Variants in SREBF2 observed in about 807,000 individuals in gnomAD.
SREBF2 encodes sterol regulatory element-binding protein 2.
A neutral mutation model predicts 113.1 loss-of-function variants in SREBF2; 55 were observed. The ratio of observed to expected loss-of-function variants is 0.49; its 90% CI spans 0.39 to 0.61. The LOEUF is 0.61. SREBF2 is among the 20% of genes least tolerant of loss of function. The pLI, the probability that SREBF2 is intolerant of heterozygous loss-of-function variation, is 0.00. For synonymous variants in SREBF2, 593 were observed against 605.7 expected, an observed-to-expected ratio of 0.98 and a Z score of 0.31; for missense variants, 1,349 against 1,487.4, an observed-to-expected ratio of 0.91 and a Z score of 1.53.
rs1442992244 is a variant in SREBF2 at position 41,833,879 on chromosome 22, T to C, written c.88+521T>C. 6.5e-6 allele frequency: 1 copy of C among 153,054 alleles called. No homozygotes were observed. Among genetic ancestry groups the C allele is most frequent in the Non-Finnish European group, 1.5e-5 (1 of 68,356 alleles). 9.5% of individuals were successfully genotyped at this position (153,054 alleles called of 1,614,324 possible). ...GGTCGCCGGGTGCTCCGCGAAACTTTGGGCAGCGACTGCAGAAGCAAGTTG... is the reference window on the plus strand; with the variant it reads ...GGTCGCCGGGTGCTCCGCGAAACTTCGGGCAGCGACTGCAGAAGCAAGTTG... On this transcript the variant is annotated intron_variant, in intron 1 of 18. Transcript: ENST00000361204. This position sits in a 1 kb window ranked among gnomAD's most constrained non-coding sequence, Gnocchi z 4.1.
intron 1 of SREBF2, among the ~76,000 whole-genome samples, chr22:41,848,433 G>A (rs181459649): frequency 9.7e-4 from 148 of 152,202 alleles, no homozygotes; most frequent in Admixed American, 3.1e-3. Context: ...ATAATAAGTG[G>A]GATAAGAGAG....
intron 1 of SREBF2, among the ~76,000 whole-genome samples, chr22:41,852,627 C>T (rs2076941915): frequency 6.6e-6 from 1 of 150,470 alleles, no homozygotes; most frequent in Non-Finnish European, 1.5e-5. Flanking sequence ...ATAACCAAAA[C>T]TCTTATTTAA....
chr22:41,879,100 A>G (rs1348731600), intron 9 of SREBF2, among the ~76,000 whole-genome samples: 1 of 152,090 alleles, frequency 6.6e-6, no homozygotes, highest in African/African-American at 2.4e-5. Context: ...GGCTCAAGTG[A>G]TCCTCTCACC....
intron 1 of SREBF2, among the ~76,000 whole-genome samples, chr22:41,844,256 CA>C (rs2076857779): frequency 6.6e-6 from 1 of 152,088 alleles, no homozygotes; most frequent in Non-Finnish European, 1.5e-5. Flanking sequence ...AGGAAGAGGA[CA>C]GGACCTAACC....
In SREBF2 at chr22:41,861,206, G is replaced by A. The variant is rs114130094; in HGVS notation, c.89-5625G>A. Among the ~76,000 whole-genome samples the A allele has an allele frequency of 4.4e-3, 676 of 152,264 alleles. 7 individuals are homozygous for A. The highest frequency in any genetic ancestry group is 0.016 in the African/African-American group (653 of 41,550). The stretch of plus-strand genomic sequence containing the variant: ...CACATTAAAACATTGACAATGGGCC[G>A]GGCGCTGTGGCTCACGCCTGTAATC... On this transcript the variant is annotated intron_variant, in intron 1 of 18. Coordinates refer to ENST00000361204, the MANE Select transcript of SREBF2 (RefSeq NM_004599.4).
At chr22:41,868,197 T>G (rs557556594) in intron 2 of SREBF2, among the ~76,000 whole-genome samples, 1 of 152,016 alleles carries the variant, frequency 6.6e-6, no homozygotes, top group South Asian at 2.1e-4. Context: ...TTCAATGGAG[T>G]TCAAGAATTG....
At chr22:41,900,721 T>C (rs1036066741) in intron 16 of SREBF2, among the ~76,000 whole-genome samples, 2 of 152,242 alleles carry the variant, frequency 1.3e-5, no homozygotes, top group Non-Finnish European at 2.9e-5. Context: ...TGCACCTTTC[T>C]TAGGCTCCCA....
chr22:41,875,739 A>C lies in SREBF2; in HGVS notation c.1386+15A>C, dbSNP rs2148389800. The C allele has an allele frequency of 1.9e-6, 3 of 1,613,916 alleles. No individual in the cohort carries two copies. The East Asian group carries it at 6.7e-5, about 36-fold the overall frequency. Reference sequence around the variant, plus strand: ...ATGATGCAAAGGTACAGACTTTTGAAATCTCCTGATCCCTGGAATCTTTCC... The same window carrying C: ...ATGATGCAAAGGTACAGACTTTTGACATCTCCTGATCCCTGGAATCTTTCC... On this transcript the variant is annotated intron_variant, in intron 7 of 18. Transcript: ENST00000361204.
In SREBF2 at chr22:41,905,643, G is replaced by A. The variant is rs758880539; in HGVS notation, c.3409G>A (p.Ala1137Thr). The A allele has an allele frequency of 1.3e-6, 2 of 1,585,890 alleles. No homozygotes were observed. Among genetic ancestry groups the A allele is most frequent in the Non-Finnish European group, 8.6e-7 (1 of 1,166,904 alleles). Residue 1137 changes from alanine to threonine, a missense_variant, in exon 19 of 19, where the codon GCC becomes ACC. Ala to Thr is a moderately conservative substitution (Grantham distance 58). Coordinates refer to ENST00000361204, the MANE Select transcript of SREBF2 (RefSeq NM_004599.4). ...QMIVKLGGGT[A>T]IAAS Reference sequence around the variant, plus strand: ...GATTGTTAAGCTGGGTGGTGGCACTGCCATTGCCGCCTCCTGACCACCAGG... The same window carrying A: ...GATTGTTAAGCTGGGTGGTGGCACTACCATTGCCGCCTCCTGACCACCAGG...
At chr22:41,849,944 C>CGAGACCA (rs56659363) in intron 1 of SREBF2, among the ~76,000 whole-genome samples, 2 of 151,066 alleles carry the variant, frequency 1.3e-5, no homozygotes, top group African/African-American at 4.9e-5. Flanking sequence ...CGAGACCATC[C>CGAGACCA]TGACTAACAT....
rs779096413 is a variant in SREBF2 at position 41,878,128 on chromosome 22, G to A, written c.1761+5G>A. 6.2e-7 allele frequency: 1 copy of A among 1,613,860 alleles called. No individual in the cohort carries two copies. The highest frequency in any genetic ancestry group is 8.5e-7 in the Non-Finnish European group (1 of 1,180,032). ...GCAGATCTGGATCTCGCCAGAGTGA[G>A]TTCTGTGTCCGCCCTTCCCCATCCT... On this transcript the variant is annotated splice_donor_5th_base_variant and intron_variant, in intron 9 of 18. Coordinates refer to ENST00000361204, the MANE Select transcript of SREBF2 (RefSeq NM_004599.4).
chr22:41,889,715 AAG>A (rs200371208), intron 11 of SREBF2, among the ~76,000 whole-genome samples: 18,393 of 148,498 alleles, frequency 0.12, 1,392 homozygotes, highest in African/African-American at 0.22. Context: ...AAAAAAAAAA[AAG>A]AGGTTGGGCA....
intron 9 of SREBF2, chr22:41,878,695 A>T (rs1024828331): frequency 7.7e-7 from 1 of 1,304,338 alleles, no homozygotes; most frequent in Non-Finnish European, 1.0e-6. Flanking sequence ...AACTCACAGC[A>T]TTGAGGAAGA....
In SREBF2 at chr22:41,875,661, G is replaced by A. The variant is rs367782125; in HGVS notation, c.1323G>A (p.Gln441=). The change falls in exon 7 of 19, where the codon CAG becomes CAA. Residue 441 remains glutamine, a synonymous_variant. Coordinates refer to ENST00000361204, the MANE Select transcript of SREBF2 (RefSeq NM_004599.4). ...CCCCAGCCTCTGACTCAGGGTCCCA[G>A]GCTGGCTTCTCTCCCTACTCCATTG... ...MSPPASDSGS[Q]AGFSPYSIDS... 8.7e-6 allele frequency: 14 copies of A among 1,614,202 alleles called. No individual in the cohort carries two copies. Among genetic ancestry groups the A allele is most frequent in the East Asian group, 2.2e-5 (1 of 44,884 alleles).
chr22:41,879,969 G>C (rs929013699), intron 9 of SREBF2, among the ~76,000 whole-genome samples: 1 of 148,420 alleles, frequency 6.7e-6, no homozygotes, highest in African/African-American at 2.6e-5. Flanking sequence ...ACACTGAGGT[G>C]GGGGGATTGC....
At chr22:41,854,671 C>G (rs1332260730) in intron 1 of SREBF2, among the ~76,000 whole-genome samples, 1 of 151,546 alleles carries the variant, frequency 6.6e-6, no homozygotes, top group East Asian at 2.0e-4. Flanking sequence ...GAGTTCAAGA[C>G]CAGCCTGGCC....
At chr22:41,867,542 C>A (rs1296367073) in intron 2 of SREBF2, among the ~76,000 whole-genome samples, 1 of 152,110 alleles carries the variant, frequency 6.6e-6, no homozygotes, top group Non-Finnish European at 1.5e-5. Context: ...CGCGGTGGCT[C>A]ACGCCTGTAA....
chr22:41,833,221 G>A lies in SREBF2; in HGVS notation c.-50G>A. ...GGGCGGTGGCGACGGCACCGCCCCCGCGTCTCCCTGAGCGGGACGGCAGGG... is the reference window on the plus strand; with the variant it reads ...GGGCGGTGGCGACGGCACCGCCCCCACGTCTCCCTGAGCGGGACGGCAGGG... On this transcript the variant is annotated 5_prime_UTR_variant, in exon 1 of 19. Coordinates refer to ENST00000361204, the MANE Select transcript of SREBF2 (RefSeq NM_004599.4). The surrounding 1 kb of genome is among the most constrained non-coding windows in gnomAD (Gnocchi z 4.1). The A allele has an allele frequency of 6.9e-7, 1 of 1,449,192 alleles. No homozygotes were observed. Among genetic ancestry groups the A allele is most frequent in the Non-Finnish European group, 9.2e-7 (1 of 1,084,846 alleles). 89.8% of individuals were successfully genotyped at this position (1,449,192 alleles called of 1,614,324 possible).
At chr22:41,842,150 A>C (rs1372450033) in intron 1 of SREBF2, among the ~76,000 whole-genome samples, 1 of 152,220 alleles carries the variant, frequency 6.6e-6, no homozygotes, top group African/African-American at 2.4e-5. Flanking sequence ...AAGATAGTAC[A>C]TTCATATGAA....
Sources: gnomAD v4.1 joint callset for allele counts (sites outside exome capture counted in the v4.1 genomes callset) on GRCh38, gnomAD v4.1.1 for gene constraint, Gnocchi (gnomAD v3.1) non-coding constraint, MANE v1.5 for transcripts, NCBI Gene and HGNC (gene_info 2026-07-23, HGNC 2026-07-21) for gene names.